The following INPP5A variants were observed in gnomAD, a reference collection of about 807,000 sequenced individuals.
INPP5A encodes 43 kDa inositol polyphosphate 5-phophatase.
INPP5A carries 14 observed loss-of-function variants against 65.2 expected under a neutral mutation model. The ratio of observed to expected loss-of-function variants is 0.21; its 90% CI spans 0.14 to 0.34. The LOEUF (loss-of-function observed/expected upper bound fraction) is 0.34. Ranked by LOEUF, INPP5A falls within the 10% of genes least tolerant of loss-of-function variation. INPP5A has a pLI of 1.00. For synonymous variants in INPP5A, 207 were observed against 208.3 expected, an observed-to-expected ratio of 0.99 and a Z score of 0.05; for missense variants, 431 against 545.6, an observed-to-expected ratio of 0.79 and a Z score of 2.09.
In INPP5A at chr10:132,745,170, G is replaced by A. The variant is rs560326245; in HGVS notation, c.733-4347G>A. 5.9e-5 allele frequency among the ~76,000 whole-genome samples: 9 copies of A among 152,254 alleles called. No homozygotes were observed. In the South Asian group the frequency reaches 1.2e-3, roughly 21 times the overall value. On this transcript the variant is annotated intron_variant, in intron 9 of 15. Coordinates refer to ENST00000368594, the MANE Select transcript of INPP5A (RefSeq NM_005539.5). Reference sequence around the variant, plus strand: ...ATGGCCTGTCAGCCTTTGATCTTGGGGCAGGTGGTTCTGCCTGCCTGCCAC... The same window carrying A: ...ATGGCCTGTCAGCCTTTGATCTTGGAGCAGGTGGTTCTGCCTGCCTGCCAC...
chr10:132,582,820 G>T (rs2071502105), intron 1 of INPP5A, among the ~76,000 whole-genome samples: 2 of 152,210 alleles, frequency 1.3e-5, no homozygotes, highest in African/African-American at 2.4e-5. Context: ...TTTTATTCCA[G>T]GTCCACATGC....
chr10:132,691,903 G>A (rs1019575481), intron 5 of INPP5A, among the ~76,000 whole-genome samples: 6 of 152,024 alleles, frequency 3.9e-5, no homozygotes, highest in African/African-American at 1.2e-4. Flanking sequence ...ACATGCGGTC[G>A]CGGGAGACGT....
intron 5 of INPP5A, among the ~76,000 whole-genome samples, chr10:132,694,236 TC>T (rs1287837405): frequency 6.6e-6 from 1 of 152,152 alleles, no homozygotes; most frequent in Admixed American, 6.5e-5. Flanking sequence ...AGCTGGAAAA[TC>T]CCCAAATACT....
chr10:132,587,524 T>C lies in INPP5A; in HGVS notation c.76-20391T>C, dbSNP rs2071559740. Among the ~76,000 whole-genome samples the C allele has an allele frequency of 6.6e-6, 1 of 152,154 alleles. No homozygotes were observed. The highest frequency in any genetic ancestry group is 2.4e-5 in the African/African-American group (1 of 41,432). On this transcript the variant is annotated intron_variant, in intron 1 of 15. Transcript: ENST00000368594. This position sits in a 1 kb window ranked among gnomAD's most constrained non-coding sequence, Gnocchi z 4.3. ...TCCACAGGGTCCCTGTAACCAGAGCTGTTGGGACGCGGGGAGCAGGCGAAA... is the reference window on the plus strand; with the variant it reads ...TCCACAGGGTCCCTGTAACCAGAGCCGTTGGGACGCGGGGAGCAGGCGAAA...
chr10:132,595,833 T>C (rs1297324805), intron 1 of INPP5A, among the ~76,000 whole-genome samples: 3 of 152,226 alleles, frequency 2.0e-5, no homozygotes, highest in Non-Finnish European at 4.4e-5. Flanking sequence ...TTTTGCTCTT[T>C]AGAATTACTT....
intron 1 of INPP5A, among the ~76,000 whole-genome samples, chr10:132,593,679 C>G (rs1447714122): frequency 2.6e-5 from 4 of 152,184 alleles, no homozygotes; most frequent in Non-Finnish European, 5.9e-5. Context: ...CCTTGTTCCT[C>G]TATAGCTAAG....
At chr10:132,758,891 T>C (rs905354239) in intron 11 of INPP5A, among the ~76,000 whole-genome samples, 4 of 152,090 alleles carry the variant, frequency 2.6e-5, no homozygotes, top group African/African-American at 9.7e-5. Flanking sequence ...GAGCGTCGGG[T>C]TTCGTCAGTT....
At chr10:132,774,657 G>C (rs529263123) in intron 12 of INPP5A, among the ~76,000 whole-genome samples, 2 of 152,084 alleles carry the variant, frequency 1.3e-5, no homozygotes, top group East Asian at 3.9e-4. Flanking sequence ...TCTGCTTCTC[G>C]GGCCCGTGGC....
At chr10:132,615,844 G>A (rs1196377858) in intron 2 of INPP5A, among the ~76,000 whole-genome samples, 4 of 152,120 alleles carry the variant, frequency 2.6e-5, no homozygotes, top group Non-Finnish European at 4.4e-5. Flanking sequence ...GGGGCTGGGA[G>A]GCCCCAGGCT....
intron 6 of INPP5A, 121 bp from the exon 7 acceptor site, chr10:132,708,192 C>A: frequency 1.2e-6 from 1 of 817,916 alleles, no homozygotes; most frequent in Non-Finnish European, 2.0e-6. Flanking sequence ...GCATCAGTGC[C>A]GGAAGAGCCC....
chr10:132,746,196 C>T (rs1301597006), intron 9 of INPP5A, among the ~76,000 whole-genome samples: 2 of 152,222 alleles, frequency 1.3e-5, no homozygotes, highest in African/African-American at 4.8e-5. Context: ...GCTGTGCGTG[C>T]GGTGCCTGGA....
intron 6 of INPP5A, among the ~76,000 whole-genome samples, chr10:132,701,691 C>A (rs919431929): frequency 6.6e-6 from 1 of 152,196 alleles, no homozygotes; most frequent in Non-Finnish European, 1.5e-5. Context: ...GGGGGCGTGG[C>A]CTCTGGGAGG....
At chr10:132,763,741 A>G (rs1164201934) in intron 11 of INPP5A, among the ~76,000 whole-genome samples, 1 of 151,730 alleles carries the variant, frequency 6.6e-6, no homozygotes, top group East Asian at 1.9e-4. Flanking sequence ...ATGCACACAC[A>G]TGCCTGCATA....
chr10:132,561,297 T>G lies in INPP5A; in HGVS notation c.75+23126T>G, dbSNP rs576370057. ...ATTTCCTAATCAAGGTCACAAAAAT[T>G]TACCCTTATTTTTTCTTTTTAGATT... On this transcript the variant is annotated intron_variant, in intron 1 of 15. Coordinates refer to ENST00000368594, the MANE Select transcript of INPP5A (RefSeq NM_005539.5). Among the ~76,000 whole-genome samples, 8 of 152,268 alleles carry G rather than the reference T, an allele frequency of 5.3e-5. No homozygotes were observed. In the South Asian group the frequency reaches 1.2e-3, roughly 24 times the overall value.
intron 8 of INPP5A, among the ~76,000 whole-genome samples, chr10:132,713,613 G>A (rs1845689065): frequency 6.6e-6 from 1 of 152,162 alleles, no homozygotes; most frequent in African/African-American, 2.4e-5. Flanking sequence ...CGTCTCCAGA[G>A]TGATGGAGCC....
intron 1 of INPP5A, among the ~76,000 whole-genome samples, chr10:132,565,294 A>G (rs2071258472): frequency 6.6e-6 from 1 of 152,166 alleles, no homozygotes; most frequent in Non-Finnish European, 1.5e-5. Context: ...TCTGACCCTA[A>G]ACAACTCAAG....
intron 2 of INPP5A, among the ~76,000 whole-genome samples, chr10:132,622,335 C>T (rs2072122422): frequency 6.7e-6 from 1 of 150,234 alleles, no homozygotes; most frequent in Non-Finnish European, 1.5e-5. Context: ...TTGGAAGACT[C>T]AGTTACGCTG....
intron 1 of INPP5A, among the ~76,000 whole-genome samples, chr10:132,540,911 C>G (rs554919893): frequency 6.6e-6 from 1 of 152,326 alleles, no homozygotes; most frequent in East Asian, 1.9e-4. Flanking sequence ...ACTCTGTTTT[C>G]CTTTTGTGCA....
chr10:132,699,461 C>T (rs1042017250), intron 6 of INPP5A, among the ~76,000 whole-genome samples: 2 of 152,174 alleles, frequency 1.3e-5, no homozygotes, highest in African/African-American at 4.8e-5. Flanking sequence ...GGCTGTTGAC[C>T]CGGCACCTCG....
Sources: gnomAD v4.1 joint callset for allele counts (sites outside exome capture counted in the v4.1 genomes callset) on GRCh38, gnomAD v4.1.1 for gene constraint, Gnocchi (gnomAD v3.1) non-coding constraint, MANE v1.5 for transcripts, NCBI Gene and HGNC (gene_info 2026-07-23, HGNC 2026-07-21) for gene names.